Variants in SLC9A7 observed in about 807,000 individuals in gnomAD.
SLC9A7 encodes the protein solute carrier family 9 member A7, also known as sodium/hydrogen exchanger 7.
A neutral mutation model predicts 52.6 loss-of-function variants in SLC9A7; 19 were observed. The observed-to-expected ratio is 0.36, with a 90% CI of 0.25 to 0.53. SLC9A7 has a LOEUF of 0.53. Ranked by LOEUF, SLC9A7 falls within the 20% of genes least tolerant of loss-of-function variation. The pLI is 0.91. For synonymous variants in SLC9A7, 226 were observed against 252.1 expected, an observed-to-expected ratio of 0.90 and a Z score of 0.98; for missense variants, 455 against 597.9, an observed-to-expected ratio of 0.76 and a Z score of 2.49.
At chrX:46,710,584 A>G (rs2146935724) in intron 1 of SLC9A7, among the ~76,000 whole-genome samples, 1 of 110,843 alleles carries the variant, frequency 9.0e-6, no homozygotes, top group Non-Finnish European at 1.9e-5. Context: ...AACCCAGTCC[A>G]TTCTGTGGAA....
Position 46,633,338 on chromosome X carries a change from A to T in SLC9A7, c.1677-1689T>A, listed in dbSNP as rs761631528. ...GCTGCTTCTCAGCTTGCTGCTGCTA[A>T]AAAAAAAAAAAAAAAAAAAAAAAAA... On this transcript the variant is annotated intron_variant, in intron 13 of 16. Transcript: ENST00000616978. Among the ~76,000 whole-genome samples, 299 of 40,861 alleles carry T rather than the reference A, an allele frequency of 7.3e-3. 1 individual carries two copies. The highest frequency in any genetic ancestry group is 0.04 in the African/African-American group (288 of 7,191). 35.5% of individuals were successfully genotyped at this position (40,861 alleles called of 115,157 possible).
chrX:46,723,028 A>C (rs1261203632), intron 1 of SLC9A7, among the ~76,000 whole-genome samples: 1 of 111,362 alleles, frequency 9.0e-6, no homozygotes, highest in Non-Finnish European at 1.9e-5. Context: ...TAGGCTCCTT[A>C]CAATGCCGAC....
intron 14 of SLC9A7, among the ~76,000 whole-genome samples, chrX:46,629,660 A>G (rs148218777): frequency 0.019 from 2,140 of 112,059 alleles, 43 homozygotes; most frequent in South Asian, 0.12. Flanking sequence ...CTTATGATCC[A>G]GCTGCTATTG....
chrX:46,617,580 AG>A (rs1346438908), intron 15 of SLC9A7, among the ~76,000 whole-genome samples: 1 of 112,434 alleles, frequency 8.9e-6, no homozygotes, highest in Admixed American at 9.4e-5. Flanking sequence ...CTGTTGACAC[AG>A]GAAGTACCTG....
chrX:46,650,505 G>A (rs777872737), intron 10 of SLC9A7, among the ~76,000 whole-genome samples: 34 of 109,155 alleles, frequency 3.1e-4, no homozygotes, highest in African/African-American at 1.1e-3. Flanking sequence ...TTTTTGGTGG[G>A]GGCGGGGAGA....
chrX:46,628,390 T>G (rs1056265228), intron 14 of SLC9A7, among the ~76,000 whole-genome samples: 7 of 112,234 alleles, frequency 6.2e-5, no homozygotes, highest in Non-Finnish European at 9.4e-5. Flanking sequence ...CTGAGTTTTG[T>G]TTTTTGTTTT....
chrX:46,695,784 G>T (rs920710537), intron 1 of SLC9A7, among the ~76,000 whole-genome samples: 1 of 109,908 alleles, frequency 9.1e-6, no homozygotes, highest in Non-Finnish European at 1.9e-5. Flanking sequence ...GAAGTGCCTG[G>T]CATACTAGGT....
chrX:46,613,291 C>T lies in SLC9A7; in HGVS notation c.1927G>A (p.Asp643Asn), dbSNP rs748780698. The T allele has an allele frequency of 7.5e-6, 9 of 1,193,050 alleles. No homozygotes were observed. The highest frequency in any genetic ancestry group is 3.7e-5 in the South Asian group (2 of 54,451). The change falls in exon 16 of 17, where the codon GAT (aspartate) becomes AAT (asparagine). Residue 643 changes from aspartate (D) to asparagine (N), a missense_variant and splice_region_variant. Asp to Asn is a conservative substitution (Grantham distance 23, BLOSUM62 1). Coordinates refer to ENST00000616978, the MANE Select transcript of SLC9A7 (RefSeq NM_001257291.2). Reference sequence around the variant, plus strand: ...CAACCCTGATGTGCAGTACTTACATCGTACACCTGGGGACTGGTCAGACAT... The same window carrying T: ...CAACCCTGATGTGCAGTACTTACATTGTACACCTGGGGACTGGTCAGACAT... Reference protein sequence around the residue: ...ARCLTSPQVYDNQEPLREEDS... With the variant: ...ARCLTSPQVYNNQEPLREEDS...
intron 1 of SLC9A7, among the ~76,000 whole-genome samples, chrX:46,692,617 A>G (rs1283898492): frequency 9.0e-6 from 1 of 111,696 alleles, no homozygotes. Flanking sequence ...TGGGGAACCA[A>G]TTAAAGTACA....
rs57157177 is a variant in SLC9A7, at chrX:46,730,670, T to TTATA, written c.325+28031_325+28034dup. 8.0e-3 allele frequency among the ~76,000 whole-genome samples: 344 copies of TTATA among 42,857 alleles called. 8 individuals are homozygous for TTATA. Among genetic ancestry groups the TTATA allele is most frequent in the Middle Eastern group, 0.028 (2 of 71 alleles). The allele number at this position is 42,857 out of a possible 115,157, so 37.2% of individuals were successfully genotyped here. A position where few individuals can be genotyped will look rare whatever the true frequency, so the allele number is the denominator to read the frequency against. On this transcript the variant is annotated intron_variant, in intron 1 of 16. Coordinates refer to ENST00000616978, the MANE Select transcript of SLC9A7 (RefSeq NM_001257291.2). ...GCGAGACTGTCTCAAAAAAAAAAAA[T>TTATA]TATATATATATATATATATATATAT...
intron 1 of SLC9A7, among the ~76,000 whole-genome samples, chrX:46,684,290 C>T (rs1323013214): frequency 1.8e-5 from 2 of 111,646 alleles, no homozygotes; most frequent in African/African-American, 3.3e-5. Flanking sequence ...CTGCAACCTC[C>T]GCCTCCCAGG....
chrX:46,612,559 A>G (rs965278841), intron 16 of SLC9A7, among the ~76,000 whole-genome samples: 2 of 111,971 alleles, frequency 1.8e-5, no homozygotes, highest in Non-Finnish European at 3.8e-5. Context: ...TTTGTGGTTC[A>G]GTGTATCTTC....
At chrX:46,694,289 TAAAAA>T (rs774871388) in intron 1 of SLC9A7, among the ~76,000 whole-genome samples, 203 of 109,257 alleles carry the variant, frequency 1.9e-3, no homozygotes, top group African/African-American at 6.5e-3. Context: ...ACCTGTCTCT[TAAAAA>T]AAGAGAGAAA....
intron 3 of SLC9A7, among the ~76,000 whole-genome samples, chrX:46,677,485 G>C (rs1346548802): frequency 1.8e-5 from 2 of 112,304 alleles, no homozygotes; most frequent in African/African-American, 6.5e-5. Context: ...TCTGTTTATC[G>C]ATGAGTTGGA....
In SLC9A7 at chrX:46,688,270, A is replaced by G. The variant is rs189514836; in HGVS notation, c.326-5735T>C. On this transcript the variant is annotated intron_variant, in intron 1 of 16. Coordinates refer to ENST00000616978, the MANE Select transcript of SLC9A7 (RefSeq NM_001257291.2). ...TGCCAAACTACATTGGGAAAAATGTATTGTTTTACATTCTCGCCAGCAACA... is the reference window on the plus strand; with the variant it reads ...TGCCAAACTACATTGGGAAAAATGTGTTGTTTTACATTCTCGCCAGCAACA... Among the ~76,000 whole-genome samples, 4 of 111,630 alleles carry G rather than the reference A, an allele frequency of 3.6e-5. No homozygotes were observed. In the East Asian group the frequency reaches 1.1e-3, roughly 31 times the overall value.
At chrX:46,666,952 G>C (rs1412658697) in intron 5 of SLC9A7, among the ~76,000 whole-genome samples, 1 of 111,775 alleles carries the variant, frequency 8.9e-6, no homozygotes, top group African/African-American at 3.3e-5. Flanking sequence ...AGACAGCACA[G>C]GATTAAAATA....
chrX:46,670,542 G>A (rs1186606214), intron 4 of SLC9A7, among the ~76,000 whole-genome samples: 1 of 111,119 alleles, frequency 9.0e-6, no homozygotes, highest in East Asian at 2.8e-4. Context: ...AGCAGTGATA[G>A]CAGCAGCTGC....
intron 7 of SLC9A7, among the ~76,000 whole-genome samples, chrX:46,659,045 C>T (rs1238192130): frequency 9.0e-6 from 1 of 110,735 alleles, no homozygotes; most frequent in Non-Finnish European, 1.9e-5. Context: ...GGGCTTCATC[C>T]CTGGGATGCA....
At chrX:46,616,198 A>AC (rs1447787709) in intron 15 of SLC9A7, among the ~76,000 whole-genome samples, 1 of 106,146 alleles carries the variant, frequency 9.4e-6, no homozygotes, top group African/African-American at 3.4e-5. Context: ...GTGTGGTGAC[A>AC]CATGCTAGCT....
Sources: allele counts gnomAD v4.1 joint callset (sites outside exome capture counted in the v4.1 genomes callset), GRCh38; gene constraint gnomAD v4.1.1; transcripts MANE v1.5; gene names NCBI Gene and HGNC (gene_info 2026-07-23, HGNC 2026-07-21).